ADAMTS12: variants seen among roughly 807,000 people sequenced by gnomAD.
ADAMTS12 encodes ADAM metallopeptidase with thrombospondin type 1 motif 12.
In ADAMTS12, 118 loss-of-function variants were observed where a neutral mutation model predicts 167.8. The observed-to-expected ratio is 0.70, with a 90% CI of 0.61 to 0.82. ADAMTS12 has a LOEUF of 0.82. Ranked by LOEUF, ADAMTS12 falls within the 40% of genes least tolerant of loss-of-function variation. ADAMTS12 has a pLI of 0.00. For synonymous variants in ADAMTS12, 704 were observed against 716.9 expected, an observed-to-expected ratio of 0.98 and a Z score of 0.29; for missense variants, 1,916 against 1,998.8, an observed-to-expected ratio of 0.96 and a Z score of 0.79.
chr5:33,826,728 A>G (rs1748085976), intron 2 of ADAMTS12, among the ~76,000 whole-genome samples: 1 of 152,260 alleles, frequency 6.6e-6, no homozygotes, highest in African/African-American at 2.4e-5. Flanking sequence ...ATAGCAATTT[A>G]TAATGAAAAA....
At chr5:33,645,679 T>C (rs1324588208) in intron 9 of ADAMTS12, among the ~76,000 whole-genome samples, 1 of 152,230 alleles carries the variant, frequency 6.6e-6, no homozygotes, top group Non-Finnish European at 1.5e-5. Flanking sequence ...GTACTATTTT[T>C]TTCAATTTTT....
At chr5:33,702,047 A>G (rs898615658) in intron 3 of ADAMTS12, among the ~76,000 whole-genome samples, 1 of 152,188 alleles carries the variant, frequency 6.6e-6, no homozygotes, top group Admixed American at 6.5e-5. Context: ...TATTTCACAG[A>G]TGGCTAAAAA....
At chr5:33,821,731 G>C (rs1337409094) in intron 2 of ADAMTS12, among the ~76,000 whole-genome samples, 1 of 152,120 alleles carries the variant, frequency 6.6e-6, no homozygotes, top group Non-Finnish European at 1.5e-5. Flanking sequence ...GCTACTCCAA[G>C]TCACATTTTT....
At chr5:33,554,216 A>C (rs1745388103) in intron 20 of ADAMTS12, among the ~76,000 whole-genome samples, 1 of 152,284 alleles carries the variant, frequency 6.6e-6, no homozygotes, top group Non-Finnish European at 1.5e-5. Context: ...GTGGGGGGAC[A>C]TTTGAAGTGG....
intron 2 of ADAMTS12, among the ~76,000 whole-genome samples, chr5:33,828,188 T>C (rs539412751): frequency 4.5e-4 from 68 of 152,352 alleles, no homozygotes; most frequent in African/African-American, 1.5e-3. Context: ...CTGCCAAGAT[T>C]TGACATTACC....
chr5:33,682,185 G>C (rs1742146594), intron 5 of ADAMTS12, among the ~76,000 whole-genome samples: 1 of 152,206 alleles, frequency 6.6e-6, no homozygotes, highest in African/African-American at 2.4e-5. Flanking sequence ...TATTGGATGT[G>C]GAAGATATGA....
chr5:33,874,843 G>A (rs1338570641), intron 2 of ADAMTS12, among the ~76,000 whole-genome samples: 2 of 152,186 alleles, frequency 1.3e-5, no homozygotes, highest in Non-Finnish European at 2.9e-5. Context: ...GCTGAGGTGG[G>A]CAGATTATGA....
At chr5:33,891,634 C>A in intron 1 of ADAMTS12, 96 bp downstream of exon 1, 2 of 1,564,476 alleles carry the variant, frequency 1.3e-6, no homozygotes, top group South Asian at 1.2e-5. Context: ...TTTCAGAGTT[C>A]AGTTCTGCCG....
At chr5:33,768,202 C>T (rs2112421018) in intron 2 of ADAMTS12, among the ~76,000 whole-genome samples, 1 of 152,290 alleles carries the variant, frequency 6.6e-6, no homozygotes, top group Non-Finnish European at 1.5e-5. Context: ...TGATGTTGCT[C>T]CTGGCCTCCG....
At chr5:33,536,471 TC>T (rs138252141) in intron 22 of ADAMTS12, among the ~76,000 whole-genome samples, 3,486 of 152,332 alleles carry the variant, frequency 0.023, 136 homozygotes, top group African/African-American at 0.081. Context: ...GCTGCCCCCA[TC>T]TTTGTCCTTC....
chr5:33,735,551 G>A (rs1744340403), intron 3 of ADAMTS12, among the ~76,000 whole-genome samples: 1 of 152,156 alleles, frequency 6.6e-6, no homozygotes, highest in African/African-American at 2.4e-5. Context: ...AAAACAGATG[G>A]CACGCTGAAT....
chr5:33,670,986 G>A (rs1158945062), intron 5 of ADAMTS12, among the ~76,000 whole-genome samples: 1 of 151,984 alleles, frequency 6.6e-6, no homozygotes, highest in African/African-American at 2.4e-5. Flanking sequence ...GCAAAAAGGG[G>A]AAAAACTCTT....
intron 2 of ADAMTS12, among the ~76,000 whole-genome samples, chr5:33,774,112 G>A (rs182847348): frequency 6.6e-6 from 1 of 152,198 alleles, no homozygotes; most frequent in Admixed American, 6.5e-5. Flanking sequence ...ATTAGACTTT[G>A]GTTTCACTCG....
At chr5:33,685,308 G>T (rs1015324901) in intron 3 of ADAMTS12, among the ~76,000 whole-genome samples, 2 of 152,194 alleles carry the variant, frequency 1.3e-5, no homozygotes, top group African/African-American at 4.8e-5. Context: ...GGAAATTCTC[G>T]ACTGCATTGA....
At chr5:33,853,690 C>T (rs561488562) in intron 2 of ADAMTS12, among the ~76,000 whole-genome samples, 137 of 152,290 alleles carry the variant, frequency 9.0e-4, no homozygotes, top group African/African-American at 3.1e-3. Flanking sequence ...ATTAGGCTTT[C>T]GACAAACAAT....
At chr5:33,548,812 CCAGCCT>C (rs1220881147) in intron 21 of ADAMTS12, among the ~76,000 whole-genome samples, 1 of 151,956 alleles carries the variant, frequency 6.6e-6, no homozygotes, top group Non-Finnish European at 1.5e-5. Flanking sequence ...GCTGTTTCTC[CCAGCCT>C]GACTGCAGAA....
rs1235808154 is a variant in ADAMTS12, at chr5:33,891,883, T to C, written c.-27A>G. The stretch of plus-strand genomic sequence containing the variant: ...ATTCAGATGTTGAGGAGAAGAAAAG[T>C]CAAAAAAGTTTTAGCCCTCAGCTCC... On this transcript the variant is annotated 5_prime_UTR_variant, in exon 1 of 24. Coordinates refer to ENST00000504830, the MANE Select transcript of ADAMTS12 (RefSeq NM_030955.4). 1 of 1,603,212 alleles carries C rather than the reference T, an allele frequency of 6.2e-7. No individual in the cohort carries two copies. Among genetic ancestry groups the C allele is most frequent in the Non-Finnish European group, 8.5e-7 (1 of 1,175,652 alleles).
intron 2 of ADAMTS12, among the ~76,000 whole-genome samples, chr5:33,831,938 A>G (rs1748316511): frequency 6.6e-6 from 1 of 152,248 alleles, no homozygotes; most frequent in Non-Finnish European, 1.5e-5. Flanking sequence ...GCATTCTGCC[A>G]GGAATGACAA....
chr5:33,733,095 ACATATTCACAAATAGTGG>A (rs1273345776), intron 3 of ADAMTS12, among the ~76,000 whole-genome samples: 1 of 151,896 alleles, frequency 6.6e-6, no homozygotes, highest in Non-Finnish European at 1.5e-5. Flanking sequence ...TACATAAATA[ACATATTCACAAATAGTGG>A]CTATTTTTGG....
Sources: gnomAD v4.1 joint callset for allele counts (sites outside exome capture counted in the v4.1 genomes callset) on GRCh38, gnomAD v4.1.1 for gene constraint, MANE v1.5 for transcripts, NCBI Gene and HGNC (gene_info 2026-07-23, HGNC 2026-07-21) for gene names.